Variants in ATP8B4 observed in about 807,000 individuals in gnomAD.
The protein encoded by ATP8B4 is ATPase phospholipid transporting 8B4 (putative), also known as probable phospholipid-transporting ATPase IM.
Under a neutral mutation model 145.6 loss-of-function variants are expected in ATP8B4, and 133 were observed. The ratio of observed to expected loss-of-function variants is 0.91; its 90% CI spans 0.79 to 1.05. The LOEUF (loss-of-function observed/expected upper bound fraction) is 1.05, where lower values mean the gene tolerates loss of function less well. Ranked by LOEUF, ATP8B4 falls within the 50% of genes least tolerant of loss-of-function variation. ATP8B4 has a pLI of 0.00. For missense variants in ATP8B4, 1,458 were observed against 1,425.2 expected (o/e 1.02, Z -0.37); for synonymous variants, 507 against 492.9 (o/e 1.03, Z -0.38).
chr15:49,888,237 A>G (rs1307907698), intron 23 of ATP8B4, among the ~76,000 whole-genome samples: 1 of 152,166 alleles, frequency 6.6e-6, no homozygotes, highest in Non-Finnish European at 1.5e-5. Context: ...GGTGAGGGGG[A>G]GCAGAGCTAC....
At chr15:49,996,169 T>G (rs189153953) in intron 9 of ATP8B4, among the ~76,000 whole-genome samples, 31 of 152,206 alleles carry the variant, frequency 2.0e-4, no homozygotes, top group Non-Finnish European at 3.5e-4. Context: ...ACCAACTGAT[T>G]AATAAATCAG....
At chr15:49,991,359 G>T (rs2047032787) in intron 9 of ATP8B4, among the ~76,000 whole-genome samples, 1 of 152,176 alleles carries the variant, frequency 6.6e-6, no homozygotes, top group Non-Finnish European at 1.5e-5. Flanking sequence ...GTCAGGAGTT[G>T]CAGAAAACAG....
chr15:50,017,470 C>G (rs1189432913), intron 6 of ATP8B4, among the ~76,000 whole-genome samples: 1 of 151,978 alleles, frequency 6.6e-6, no homozygotes, highest in Non-Finnish European at 1.5e-5. Flanking sequence ...AGCTTAATAG[C>G]AAATAATTAT....
At position 50,064,126 on chromosome 15, in the gene ATP8B4, T is replaced by C. The variant is rs752427922; in HGVS notation, c.87+10001A>G. 1.2e-3 allele frequency among the ~76,000 whole-genome samples: 181 copies of C among 152,156 alleles called. 3 individuals carry two copies. Among genetic ancestry groups the C allele is most frequent in the Non-Finnish European group, 2.1e-4 (14 of 68,024 alleles). The stretch of plus-strand genomic sequence containing the variant: ...ATAATTCCACACTGAGATTCCACAG[T>C]GTATTGTACTGAAGCTAATTTCCTT... On this transcript the variant is annotated intron_variant, in intron 3 of 27. Transcript: ENST00000284509.
intron 1 of ATP8B4, among the ~76,000 whole-genome samples, chr15:50,147,638 A>G (rs2044296252): frequency 6.6e-6 from 1 of 152,162 alleles, no homozygotes; most frequent in Admixed American, 6.5e-5. Context: ...TTTGTTTCAG[A>G]ACATCAGAAC....
In ATP8B4 at chr15:49,931,269, C is replaced by T. The variant is rs770589258; in HGVS notation, c.1492G>A (p.Ala498Thr). The T allele has an allele frequency of 1.9e-6, 3 of 1,612,602 alleles. No individual in the cohort carries two copies. Among genetic ancestry groups the T allele is most frequent in the Non-Finnish European group, 2.5e-6 (3 of 1,179,150 alleles). The change falls in exon 16 of 28, where the codon GCT becomes ACT. Residue 498 changes from alanine (A) to threonine (T), a missense_variant. By Grantham distance (58) the Ala-to-Thr change is moderately conservative. Coordinates refer to ENST00000284509, the MANE Select transcript of ATP8B4 (RefSeq NM_024837.4). ...AAATTTCTAGCGGCAGTCACTAGAG[C>T]CCCTTCATCAGGTGACTGAACTTGG... ...IYQVQSPDEGALVTAARNFGF... is the reference protein window; with the variant it reads ...IYQVQSPDEGTLVTAARNFGF...
intron 3 of ATP8B4, among the ~76,000 whole-genome samples, chr15:50,053,937 G>A (rs2052382231): frequency 6.6e-6 from 1 of 152,190 alleles, no homozygotes; most frequent in South Asian, 2.1e-4. Flanking sequence ...GCATTTGGGA[G>A]ATTGCCTCAA....
At chr15:49,913,959 C>T (rs1221713596) in intron 20 of ATP8B4, among the ~76,000 whole-genome samples, 1 of 151,674 alleles carries the variant, frequency 6.6e-6, no homozygotes, top group African/African-American at 2.4e-5. Context: ...TTATTTTTCA[C>T]AGAAATGGAA....
rs982372694 is a variant in ATP8B4 at position 49,859,315 on chromosome 15, ATT to A, written c.*877_*878del. The A allele has an allele frequency of 2.0e-5, 3 of 152,336 alleles. No individual in the cohort carries two copies. The highest frequency in any genetic ancestry group is 7.2e-5 in the African/African-American group (3 of 41,574). 9.4% of individuals were successfully genotyped at this position (152,336 alleles called of 1,614,324 possible). ...TTTAAAAATTGGAAATGTTGAAAAT[ATT>A]TGCCCATAGACTATGTGGAATATTA... On this transcript the variant is annotated 3_prime_UTR_variant, in exon 28 of 28. Transcript: ENST00000284509.
chr15:50,068,619 A>T (rs928654367), intron 3 of ATP8B4, among the ~76,000 whole-genome samples: 1 of 152,218 alleles, frequency 6.6e-6, no homozygotes, highest in African/African-American at 2.4e-5. Flanking sequence ...ACCTTTGTGC[A>T]TTAAATATAT....
chr15:49,968,463 G>C (rs950111309), intron 13 of ATP8B4, among the ~76,000 whole-genome samples: 1 of 152,008 alleles, frequency 6.6e-6, no homozygotes, highest in South Asian at 2.1e-4. Flanking sequence ...AAAAAAGCAG[G>C]GGTTGCAATC....
intron 1 of ATP8B4, among the ~76,000 whole-genome samples, chr15:50,125,409 G>A (rs1285511268): frequency 6.6e-6 from 1 of 152,116 alleles, no homozygotes; most frequent in African/African-American, 2.4e-5. Context: ...TGACACTTGG[G>A]AAGTGTAGGG....
At position 50,078,516 on chromosome 15, in the gene ATP8B4, T is replaced by C. The variant is rs528361262; in HGVS notation, c.29-4331A>G. On this transcript the variant is annotated intron_variant, in intron 2 of 27. Transcript: ENST00000284509. ...CAGATTGGATAAATCTCACAAAATA[T>C]ATATCAAAATGACAAACAGGAGGAA... Among the ~76,000 whole-genome samples, 17 of 151,042 alleles carry C rather than the reference T, an allele frequency of 1.1e-4. 1 individual carries two copies. The South Asian group carries it at 3.4e-3, about 30-fold the overall frequency.
At position 50,062,905 on chromosome 15, in the gene ATP8B4, G is replaced by A. The variant is rs939092979; in HGVS notation, c.87+11222C>T. 1.5e-4 allele frequency among the ~76,000 whole-genome samples: 23 copies of A among 152,232 alleles called. No homozygotes were observed. The East Asian group carries it at 4.4e-3, about 29-fold the overall frequency. On this transcript the variant is annotated intron_variant, in intron 3 of 27. Transcript: ENST00000284509. ...TCAAAATCGTCTTTCTTAGGACAAT[G>A]GCGTTTTTGTGGTATTGAATCTACA...
At chr15:50,177,714 G>A (rs1173454801) in intron 1 of ATP8B4, among the ~76,000 whole-genome samples, 1 of 152,212 alleles carries the variant, frequency 6.6e-6, no homozygotes, top group East Asian at 1.9e-4. Flanking sequence ...TCAAAGTATA[G>A]TCCCTGGACT....
chr15:50,032,187 C>T (rs1037886403), intron 6 of ATP8B4, among the ~76,000 whole-genome samples: 9 of 152,046 alleles, frequency 5.9e-5, no homozygotes, highest in African/African-American at 2.2e-4. Context: ...CTCCCCTTGC[C>T]CCCCACCCCC....
In ATP8B4 at chr15:50,022,646, TC is replaced by T. The variant is rs915966943; in HGVS notation, c.363-11730del. 2.0e-5 allele frequency among the ~76,000 whole-genome samples: 3 copies of T among 152,150 alleles called. No individual in the cohort carries two copies. In the East Asian group the frequency reaches 5.8e-4, roughly 29 times the overall value. ...AGTGTAAGCAGGAACTGCGACACGC[TC>T]CCCTGGCCCAACCTATGACATGAAC... On this transcript the variant is annotated intron_variant, in intron 6 of 27. Coordinates refer to ENST00000284509, the MANE Select transcript of ATP8B4 (RefSeq NM_024837.4).
chr15:49,992,280 T>C (rs1222201163), intron 9 of ATP8B4, among the ~76,000 whole-genome samples: 2 of 152,180 alleles, frequency 1.3e-5, no homozygotes, highest in African/African-American at 4.8e-5. Context: ...CTTTACCTTA[T>C]CAAAGGCTTC....
intron 15 of ATP8B4, among the ~76,000 whole-genome samples, chr15:49,932,281 A>G (rs1434273762): frequency 1.3e-5 from 2 of 151,882 alleles, no homozygotes; most frequent in East Asian, 3.9e-4. Flanking sequence ...AGCCAGAGGA[A>G]AGGGTGAAAT....
Sources: allele counts gnomAD v4.1 joint callset (sites outside exome capture counted in the v4.1 genomes callset), GRCh38; gene constraint gnomAD v4.1.1; transcripts MANE v1.5; gene names NCBI Gene and HGNC (gene_info 2026-07-23, HGNC 2026-07-21).